PALB2: variants seen among roughly 807,000 people sequenced by gnomAD.
PALB2 encodes partner and localizer of BRCA2.
In PALB2, 82 loss-of-function variants were observed where a neutral mutation model predicts 107.4. That is an observed-to-expected ratio of 0.76 (90% confidence interval 0.64 to 0.92). The LOEUF is 0.92. PALB2 is among the 40% of genes least tolerant of loss of function. The pLI is 0.00. For missense variants in PALB2, 1,374 were observed against 1,379.9 expected, an observed-to-expected ratio of 1.00 and a Z score of 0.07; for synonymous variants, 489 against 496.8, an observed-to-expected ratio of 0.98 and a Z score of 0.21.
rs876659364 is a variant in PALB2, at chr16:23,629,751, G to C, written c.2403C>G (p.Asp801Glu). ...GTGTTCCTGGCGGGACAGAGTCACA[G>C]TCACAGGTAGGTTGTCCTTGCCTGC... ...VSGRQGQPTCDCDSVPPGTPP... is the reference protein window; with the variant it reads ...VSGRQGQPTCECDSVPPGTPP... Residue 801 changes from aspartate to glutamate, a missense_variant, in exon 5 of 13, where the codon GAC becomes GAG. By Grantham distance (45) the Asp-to-Glu change is conservative. Coordinates refer to ENST00000261584, the MANE Select transcript of PALB2 (RefSeq NM_024675.4). 1.2e-6 allele frequency: 2 copies of C among 1,614,132 alleles called. No individual in the cohort carries two copies. Among genetic ancestry groups the C allele is most frequent in the East Asian group, 2.2e-5 (1 of 44,900 alleles).
At chr16:23,619,865 C>T (rs1368104902) in intron 10 of PALB2, among the ~76,000 whole-genome samples, 4 of 151,896 alleles carry the variant, frequency 2.6e-5, no homozygotes, top group African/African-American at 7.3e-5. Context: ...CTGCAACCTC[C>T]GCCTCCTGGG....
intron 9 of PALB2, among the ~76,000 whole-genome samples, 185 bp downstream of exon 9, chr16:23,622,784 C>T (rs937215343): frequency 1.3e-5 from 2 of 152,052 alleles, no homozygotes; most frequent in Admixed American, 1.3e-4. Flanking sequence ...TGACTTCATC[C>T]CTGACATGTC....
intron 10 of PALB2, among the ~76,000 whole-genome samples, chr16:23,618,876 A>G (rs2142316839): frequency 6.6e-6 from 1 of 152,316 alleles, no homozygotes. Flanking sequence ...AAAGTGCTCC[A>G]AGTGGCCAAG....
chr16:23,608,232 T>A (rs935166388), intron 11 of PALB2, among the ~76,000 whole-genome samples: 1 of 152,112 alleles, frequency 6.6e-6, no homozygotes, highest in Non-Finnish European at 1.5e-5. Context: ...TCTTCTTTTT[T>A]TTTTTAGAGA....
Position 23,608,402 on chromosome 16 carries a change from T to C in PALB2, c.3202-390A>G, listed in dbSNP as rs148559935. Reference sequence around the variant, plus strand: ...TGCTTCCGGTTCCCAGTGTTTGTTTTAGCCAGTCTTGCCAGGCATGAATCT... The same window carrying C: ...TGCTTCCGGTTCCCAGTGTTTGTTTCAGCCAGTCTTGCCAGGCATGAATCT... On this transcript the variant is annotated intron_variant, in intron 11 of 12. Coordinates refer to ENST00000261584, the MANE Select transcript of PALB2 (RefSeq NM_024675.4). 4.1e-4 allele frequency among the ~76,000 whole-genome samples: 63 copies of C among 152,254 alleles called. 1 individual carries two copies. Among genetic ancestry groups the C allele is most frequent in the African/African-American group, 1.4e-3 (59 of 41,554 alleles).
In PALB2 at chr16:23,609,437, A is replaced by C. The variant is rs538545711; in HGVS notation, c.3202-1425T>G. Among the ~76,000 whole-genome samples the C allele has an allele frequency of 7.2e-5, 11 of 152,304 alleles. No homozygotes were observed. In the East Asian group the frequency reaches 2.1e-3, roughly 29 times the overall value. The stretch of plus-strand genomic sequence containing the variant: ...GAGACCCTATCTCTAAAAGGGAAAA[A>C]AACTGAGGATTTAAAAATGTTAAAT... On this transcript the variant is annotated intron_variant, in intron 11 of 12. Transcript: ENST00000261584.
rs142696685 is a variant in PALB2, at chr16:23,622,837, G to A, written c.2996+132C>T. The stretch of plus-strand genomic sequence containing the variant: ...ACCTGCTTCTATGTCATAACCTAGT[G>A]TTGATGCGGTACATGCTTATATTAC... On this transcript the variant is annotated intron_variant, in intron 9 of 12. Coordinates refer to ENST00000261584, the MANE Select transcript of PALB2 (RefSeq NM_024675.4). The A allele has an allele frequency of 9.0e-5, 90 of 996,866 alleles. No individual in the cohort carries two copies. In the African/African-American group the frequency reaches 1.2e-3, roughly 14 times the overall value. The allele number at this position is 996,866 out of a possible 1,614,324, so 61.8% of individuals were successfully genotyped here.
intron 10 of PALB2, among the ~76,000 whole-genome samples, chr16:23,620,212 A>C (rs1966749020): frequency 6.6e-6 from 1 of 152,228 alleles, no homozygotes; most frequent in South Asian, 2.1e-4. Flanking sequence ...CCAGACTCCA[A>C]GCAGTCTGAC....
intron 6 of PALB2, among the ~76,000 whole-genome samples, chr16:23,627,841 A>T (rs1017463006): frequency 8.5e-5 from 13 of 152,240 alleles, no homozygotes; most frequent in Non-Finnish European, 1.8e-4. Flanking sequence ...GCTTAATTAC[A>T]TATACACAGA....
Position 23,623,162 on chromosome 16 carries a change from G to A in PALB2, c.2835-32C>T, listed in dbSNP as rs776868853. The A allele has an allele frequency of 4.5e-6, 7 of 1,561,132 alleles. No homozygotes were observed. In the African/African-American group the frequency reaches 5.5e-5, roughly 12 times the overall value. On this transcript the variant is annotated intron_variant, in intron 8 of 12. Transcript: ENST00000261584. ...CAAATATAAGGAAAAATGGGGTGATGTGAGGAGTAACCTTTTAATATTAAA... is the reference window on the plus strand; with the variant it reads ...CAAATATAAGGAAAAATGGGGTGATATGAGGAGTAACCTTTTAATATTAAA...
intron 1 of PALB2, 125 bp downstream of exon 1, chr16:23,640,985 C>CTTAG: frequency 9.3e-7 from 1 of 1,073,488 alleles, no homozygotes; most frequent in Non-Finnish European, 1.4e-6. Flanking sequence ...CCCCCTCAGC[C>CTTAG]CTAAGAGGAG....
intron 6 of PALB2, among the ~76,000 whole-genome samples, chr16:23,627,599 C>T (rs1280398522): frequency 6.8e-6 from 1 of 146,492 alleles, no homozygotes; most frequent in East Asian, 2.0e-4. Context: ...AGTACAAGAA[C>T]AAAATAAGAA....
rs1316239336 is a variant in PALB2, at chr16:23,635,533, G to A, written c.1013C>T (p.Pro338Leu). Reference protein sequence around the residue: ...SLNELTYNNLPANENQNLKEQ... With the variant: ...SLNELTYNNLLANENQNLKEQ... ...TTTTAAGTTTTGGTTTTCATTTGCT[G>A]GTAAGTTATTGTAGGTGAGTTCATT... Residue 338 changes from proline (P) to leucine (L), a missense_variant, in exon 4 of 13, where the codon CCA becomes CTA. Pro to Leu is a moderately conservative substitution (Grantham distance 98). Coordinates refer to ENST00000261584, the MANE Select transcript of PALB2 (RefSeq NM_024675.4). 2 of 1,613,432 alleles carry A rather than the reference G, an allele frequency of 1.2e-6. No homozygotes were observed. The highest frequency in any genetic ancestry group is 3.3e-5 in the Admixed American group (2 of 59,908).
At chr16:23,609,505 G>T (rs1305452802) in intron 11 of PALB2, among the ~76,000 whole-genome samples, 1 of 152,152 alleles carries the variant, frequency 6.6e-6, no homozygotes, top group African/African-American at 2.4e-5. Flanking sequence ...GGCCCACCAG[G>T]TAAATCTAAC....
intron 8 of PALB2, among the ~76,000 whole-genome samples, chr16:23,623,607 G>A (rs905721024): frequency 7.2e-6 from 1 of 138,006 alleles, no homozygotes; most frequent in Non-Finnish European, 1.5e-5. Flanking sequence ...TCTGTTTCCC[G>A]GGTTCAGGCA....
chr16:23,641,259 T>A lies in PALB2; in HGVS notation c.-102A>T. ...GCCGGGGAGGCGCCCCAGGAAGGAA[T>A]GGGGAGCCCGGGATCGCACCCTCAG... is the stretch of plus-strand genomic sequence containing the variant. On this transcript the variant is annotated 5_prime_UTR_variant, in exon 1 of 13. Coordinates refer to ENST00000261584, the MANE Select transcript of PALB2 (RefSeq NM_024675.4). The A allele has an allele frequency of 6.8e-7, 1 of 1,466,538 alleles. No individual in the cohort carries two copies. The highest frequency in any genetic ancestry group is 9.3e-7 in the Non-Finnish European group (1 of 1,070,316). The allele number at this position is 1,466,538 out of a possible 1,614,324, so 90.8% of individuals were successfully genotyped here.
Position 23,629,818 on chromosome 16 carries a change from G to C in PALB2, c.2336C>G (p.Ser779Ter), listed in dbSNP as rs764509489. ...LASDTKQFDS[S>*]GSPAKPHTTL... The stretch of plus-strand genomic sequence containing the variant: ...GGTATGTGGTTTTGCTGGGCTGCCT[G>C]AACTGTCGAATTGTTTAGTATCACT... The change falls in exon 5 of 13, where the codon TCA (serine) becomes TGA (stop). Residue 779 changes from serine (S) to a stop codon, truncating the protein, a stop_gained. Coordinates refer to ENST00000261584, the MANE Select transcript of PALB2 (RefSeq NM_024675.4). LOFTEE classifies it high-confidence loss of function. The C allele has an allele frequency of 1.9e-6, 3 of 1,614,180 alleles. No individual in the cohort carries two copies. The Admixed American group carries it at 5.0e-5, about 27-fold the overall frequency.
In PALB2 at chr16:23,629,653, T is replaced by C. The variant is rs1966855645; in HGVS notation, c.2501A>G (p.His834Arg). 6.2e-7 allele frequency: 1 copy of C among 1,614,132 alleles called. No homozygotes were observed. Among genetic ancestry groups the C allele is most frequent in the Non-Finnish European group, 8.5e-7 (1 of 1,179,980 alleles). ...AATGGATTGTACCTGTTCGACGGAATGTTTATGCAGCTCCTGGCATGTGTT... is the reference window on the plus strand; with the variant it reads ...AATGGATTGTACCTGTTCGACGGAACGTTTATGCAGCTCCTGGCATGTGTT... Reference protein sequence around the residue: ...CRNTCQELHKHSVEQTETAEL... With the variant: ...CRNTCQELHKRSVEQTETAEL... The change falls in exon 5 of 13, where the codon CAT becomes CGT. Residue 834 changes from histidine (H) to arginine (R), a missense_variant. Transcript: ENST00000261584.
chr16:23,627,336 A>T (rs1966845791), intron 6 of PALB2, among the ~76,000 whole-genome samples: 1 of 151,254 alleles, frequency 6.6e-6, no homozygotes, highest in African/African-American at 2.4e-5. Context: ...AAATACAAAA[A>T]ATTAGCTGGG....
Sources: gnomAD v4.1 joint callset for allele counts (sites outside exome capture counted in the v4.1 genomes callset) on GRCh38, gnomAD v4.1.1 for gene constraint, MANE v1.5 for transcripts, NCBI Gene and HGNC (gene_info 2026-07-23, HGNC 2026-07-21) for gene names.